CLTCL1: variants seen among roughly 807,000 people sequenced by gnomAD.
CLTCL1 encodes clathrin heavy chain 2.
CLTCL1 carries 159 observed loss-of-function variants against 190.0 expected under a neutral mutation model. The observed-to-expected ratio is 0.84, with a 90% confidence interval of 0.74 to 0.95. CLTCL1 has a LOEUF of 0.95. Ranked by LOEUF, CLTCL1 falls within the 40% of genes least tolerant of loss-of-function variation. The probability of loss-of-function intolerance (pLI) is 0.00; values close to 1 mark genes in which losing one functional copy is unlikely to be tolerated. For missense variants in CLTCL1, 1,878 were observed against 2,033.4 expected, an observed-to-expected ratio of 0.92 and a Z score of 1.47; for synonymous variants, 752 against 769.6, an observed-to-expected ratio of 0.98 and a Z score of 0.38.
intron 22 of CLTCL1, among the ~76,000 whole-genome samples, chr22:19,204,359 G>A (rs551553810): frequency 5.3e-5 from 8 of 152,226 alleles, no homozygotes; most frequent in South Asian, 2.1e-4. Flanking sequence ...CACTTGCCCC[G>A]CTGTCTTGTT....
rs995851344 is a variant in CLTCL1 at position 19,179,680 on chromosome 22, G to C, written c.*310C>G. 2 of 163,208 alleles carry C rather than the reference G, an allele frequency of 1.2e-5. No individual in the cohort carries two copies. The highest frequency in any genetic ancestry group is 4.8e-5 in the African/African-American group (2 of 41,604). The allele number at this position is 163,208 out of a possible 1,614,324, so 10.1% of individuals were successfully genotyped here. ...CCAGTCTCTGTTGTCGGCTAAAGCT[G>C]GTCTTGCGCCGTCAGCCTCTACCCT... On this transcript the variant is annotated 3_prime_UTR_variant, in exon 33 of 33. Transcript: ENST00000427926.
At chr22:19,211,866 T>C (rs1555946997) in intron 19 of CLTCL1, among the ~76,000 whole-genome samples, 1 of 119,672 alleles carries the variant, frequency 8.4e-6, no homozygotes, top group Non-Finnish European at 1.8e-5. Context: ...AAAAATCCAA[T>C]AAATGAGTTT....
intron 2 of CLTCL1, among the ~76,000 whole-genome samples, chr22:19,273,668 G>A (rs1180582473): frequency 6.6e-6 from 1 of 152,116 alleles, no homozygotes; most frequent in African/African-American, 2.4e-5. Context: ...ACCCATTATA[G>A]CTTTAATCTC....
In CLTCL1 at chr22:19,291,599, C is replaced by A; in HGVS notation, c.42+1G>T. 1 of 1,395,918 alleles carries A rather than the reference C, an allele frequency of 7.2e-7. No individual in the cohort carries two copies. The highest frequency in any genetic ancestry group is 9.4e-7 in the Non-Finnish European group (1 of 1,061,116). The allele number at this position is 1,395,918 out of a possible 1,614,324, so 86.5% of individuals were successfully genotyped here. On this transcript the variant is annotated splice_donor_variant, in intron 1 of 32. Coordinates refer to ENST00000427926, the MANE Select transcript of CLTCL1 (RefSeq NM_007098.4). LOFTEE classifies it high-confidence loss of function. Reference sequence around the variant, plus strand: ...CAGCCCCCCAGCCCGCCGGGCCTCACCTGGAAGTGCTCCTGAAAGCGAACA... The same window carrying A: ...CAGCCCCCCAGCCCGCCGGGCCTCAACTGGAAGTGCTCCTGAAAGCGAACA...
At chr22:19,228,593 T>C (rs1555957292) in intron 11 of CLTCL1, among the ~76,000 whole-genome samples, 1 of 152,196 alleles carries the variant, frequency 6.6e-6, no homozygotes, top group African/African-American at 2.4e-5. Context: ...ACTTGTAGAT[T>C]TGAATAAATT....
chr22:19,192,506 C>T (rs1244140809), intron 26 of CLTCL1, among the ~76,000 whole-genome samples: 3 of 152,114 alleles, frequency 2.0e-5, no homozygotes, highest in South Asian at 2.1e-4. Context: ...GTGGGGGTCC[C>T]GGGATGTGCA....
In CLTCL1 at chr22:19,235,794, C is replaced by T. The variant is rs782166058; in HGVS notation, c.871G>A (p.Val291Met). The T allele has an allele frequency of 1.1e-5, 17 of 1,613,898 alleles. No individual in the cohort carries two copies. Among genetic ancestry groups the T allele is most frequent in the Non-Finnish European group, 1.4e-5 (16 of 1,179,848 alleles). Residue 291 changes from valine to methionine, a missense_variant, in exon 6 of 33, where the codon GTG becomes ATG. Physicochemically the swap from Val to Met is conservative, Grantham distance 21. Coordinates refer to ENST00000427926, the MANE Select transcript of CLTCL1 (RefSeq NM_007098.4). The stretch of plus-strand genomic sequence containing the variant: ...CTAATACGGTTCATGCAGATGCACA[C>T]GCCAGACTCTAGGTCGTACAGATGA... The part of the protein sequence containing the change: ...YLHLYDLESG[V>M]CICMNRISAD...
chr22:19,252,785 C>T (rs545325158), intron 3 of CLTCL1, among the ~76,000 whole-genome samples: 49 of 152,246 alleles, frequency 3.2e-4, no homozygotes, highest in Admixed American at 1.2e-3. Context: ...GAGGCCAAGG[C>T]GGGCGGATCA....
chr22:19,256,637 C>G (rs746610097), intron 2 of CLTCL1, among the ~76,000 whole-genome samples: 2 of 151,334 alleles, frequency 1.3e-5, no homozygotes, highest in Non-Finnish European at 2.9e-5. Flanking sequence ...GGATTATAGG[C>G]GCGAGCCACC....
At chr22:19,188,151 A>T (rs1386842975) in intron 27 of CLTCL1, 60 bp from the exon 28 acceptor site, 3 of 1,494,848 alleles carry the variant, frequency 2.0e-6, no homozygotes, top group Non-Finnish European at 2.8e-6. Context: ...GACACTAGGC[A>T]GGGGCACAGG....
chr22:19,229,349 T>A (rs190904443), intron 11 of CLTCL1, among the ~76,000 whole-genome samples: 111 of 152,320 alleles, frequency 7.3e-4, no homozygotes, highest in Non-Finnish European at 1.3e-3. Flanking sequence ...AGGACAAATA[T>A]TTTGTGGTTC....
chr22:19,279,919 T>G (rs1200146769), intron 1 of CLTCL1, among the ~76,000 whole-genome samples: 12 of 152,342 alleles, frequency 7.9e-5, no homozygotes, highest in Admixed American at 6.5e-4. Flanking sequence ...ACAGCTGAAC[T>G]GCACCTCAGT....
intron 26 of CLTCL1, among the ~76,000 whole-genome samples, chr22:19,193,044 G>T (rs563471132): frequency 6.6e-6 from 1 of 152,196 alleles, no homozygotes; most frequent in Non-Finnish European, 1.5e-5. Flanking sequence ...CTTCTGTGGC[G>T]AATCACCTCC....
At chr22:19,290,980 G>A (rs1419521683) in intron 1 of CLTCL1, among the ~76,000 whole-genome samples, 1 of 152,180 alleles carries the variant, frequency 6.6e-6, no homozygotes, top group African/African-American at 2.4e-5. Context: ...CGGCCCGCAC[G>A]ACGCCCGACC....
intron 27 of CLTCL1, 125 bp from the exon 28 acceptor site, chr22:19,188,216 T>G (rs1250307083): frequency 2.5e-6 from 2 of 806,558 alleles, no homozygotes; most frequent in African/African-American, 3.4e-5. Flanking sequence ...CAAGGGCACC[T>G]TCTGGACACC....
At chr22:19,254,349 C>T (rs892607370) in intron 2 of CLTCL1, 122 bp from the exon 3 acceptor site, 55 of 844,770 alleles carry the variant, frequency 6.5e-5, no homozygotes, top group Middle Eastern at 7.1e-4. Context: ...ATCTGATTAA[C>T]AGGGTCTGAA....
intron 22 of CLTCL1, 37 bp from the exon 23 acceptor site, chr22:19,201,530 C>A: frequency 6.4e-7 from 1 of 1,564,322 alleles, no homozygotes; most frequent in Non-Finnish European, 8.7e-7. Context: ...AGACACTCTT[C>A]AATGGGAAGA....
intron 1 of CLTCL1, among the ~76,000 whole-genome samples, chr22:19,284,152 G>T (rs2087820649): frequency 6.6e-6 from 1 of 152,172 alleles, no homozygotes; most frequent in Non-Finnish European, 1.5e-5. Flanking sequence ...AACATCAACT[G>T]CCTACATCAG....
intron 28 of CLTCL1, 113 bp from the exon 29 acceptor site, chr22:19,187,841 G>A (rs1555929176): frequency 7.4e-7 from 1 of 1,359,508 alleles, no homozygotes. Context: ...CCTTAGAAAG[G>A]CCCCTGCCCA....
Sources: allele counts gnomAD v4.1 joint callset (sites outside exome capture counted in the v4.1 genomes callset), GRCh38; gene constraint gnomAD v4.1.1; transcripts MANE v1.5; gene names NCBI Gene and HGNC (gene_info 2026-07-23, HGNC 2026-07-21).